Variants in SLFN12L observed in about 807,000 individuals in gnomAD.
SLFN12L encodes the protein schlafen family member 12-like.
A neutral mutation model predicts 34.8 loss-of-function variants in SLFN12L; 34 were observed. That is an observed-to-expected ratio of 0.98 (90% CI 0.74 to 1.30). SLFN12L has a LOEUF of 1.30. Among genes scored for constraint, SLFN12L ranks in the 50% most tolerant of loss-of-function variants. SLFN12L has a pLI of 0.00. For missense variants in SLFN12L, 703 were observed against 696.2 expected (o/e 1.01, Z -0.11); for synonymous variants, 259 against 247.5 (o/e 1.05, Z -0.44).
intron 2 of SLFN12L, among the ~76,000 whole-genome samples, chr17:35,489,714 A>T (rs1914754566): frequency 6.6e-6 from 1 of 152,208 alleles, no homozygotes; most frequent in Non-Finnish European, 1.5e-5. Flanking sequence ...ACATCACATG[A>T]TCATTTCAAT....
intron 1 of SLFN12L, among the ~76,000 whole-genome samples, chr17:35,526,078 C>T (rs183034104): frequency 7.2e-5 from 11 of 152,216 alleles, no homozygotes; most frequent in Non-Finnish European, 7.4e-5. Context: ...ATAAAACAGA[C>T]TTTAAACCAA....
At chr17:35,500,544 A>G (rs970611834) in intron 2 of SLFN12L, 1 of 152,272 alleles carries the variant, frequency 6.6e-6, no homozygotes, top group Admixed American at 6.5e-5. Flanking sequence ...CCTGGTTAAC[A>G]TGGTGAAACC....
At chr17:35,532,179 C>G (rs1446778109) in intron 1 of SLFN12L, among the ~76,000 whole-genome samples, 5 of 152,190 alleles carry the variant, frequency 3.3e-5, no homozygotes, top group Admixed American at 3.3e-4. Context: ...CGCACAGTGG[C>G]TCACGCCTGT....
rs530683923 is a variant in SLFN12L, at chr17:35,523,947, A to T, written c.-605-978T>A. 4.0e-3 allele frequency among the ~76,000 whole-genome samples: 610 copies of T among 152,110 alleles called. 5 individuals are homozygous for T. The highest frequency in any genetic ancestry group is 0.013 in the African/African-American group (550 of 41,508). ...CAGAACTTGTCTTAAAAAAAAAAAA[A>T]TTTCAAAGATCATGGGGTCCAAAGG... On this transcript the variant is annotated intron_variant, in intron 1 of 4. Coordinates refer to ENST00000628453, the MANE Select transcript of SLFN12L (RefSeq NM_001363830.2).
At chr17:35,484,526 T>G (rs1174520362) in intron 2 of SLFN12L, among the ~76,000 whole-genome samples, 1 of 152,136 alleles carries the variant, frequency 6.6e-6, no homozygotes, top group African/African-American at 2.4e-5. Flanking sequence ...ACCAGCAGTG[T>G]CATCCTGGCA....
In SLFN12L at chr17:35,480,019, C is replaced by A; in HGVS notation, c.263G>T (p.Arg88Leu). 1.9e-6 allele frequency: 3 copies of A among 1,614,164 alleles called. No individual in the cohort carries two copies. The highest frequency in any genetic ancestry group is 1.6e-4 in the Middle Eastern group (1 of 6,062). The change falls in exon 3 of 5, where the codon CGA becomes CTA. Residue 88 changes from arginine (R) to leucine (L), a missense_variant. Arg to Leu is a moderately radical substitution (Grantham distance 102). Coordinates refer to ENST00000628453, the MANE Select transcript of SLFN12L (RefSeq NM_001363830.2). ...LRKQQNENVSRAVCALLNSGG... is the reference protein window; with the variant it reads ...LRKQQNENVSLAVCALLNSGG... ...AGAATTCAGCAGAGCACACACAGCT[C>A]GTGAGACATTTTCATTCTGCTGTTT...
intron 2 of SLFN12L, among the ~76,000 whole-genome samples, chr17:35,494,200 T>C (rs1914951846): frequency 6.7e-6 from 1 of 150,360 alleles, no homozygotes; most frequent in Admixed American, 6.7e-5. Flanking sequence ...TGTATGCTAG[T>C]TTAAAAAAGA....
intron 4 of SLFN12L, among the ~76,000 whole-genome samples, chr17:35,476,626 A>C (rs1051576926): frequency 2.0e-5 from 3 of 151,926 alleles, no homozygotes; most frequent in Non-Finnish European, 4.4e-5. Flanking sequence ...TTGTAATTCA[A>C]CTCCCAGCCA....
At chr17:35,524,216 G>T (rs530290419) in intron 1 of SLFN12L, among the ~76,000 whole-genome samples, 5 of 152,330 alleles carry the variant, frequency 3.3e-5, no homozygotes, top group Admixed American at 1.3e-4. Context: ...TTTTAGAGAT[G>T]TTAAGAAGTT....
At chr17:35,501,891 C>A (rs377677610) in intron 2 of SLFN12L, among the ~76,000 whole-genome samples, 39 of 152,136 alleles carry the variant, frequency 2.6e-4, no homozygotes, top group African/African-American at 9.2e-4. Flanking sequence ...GACCACCCCC[C>A]ACAGTGGTTG....
rs1597832134 is a variant in SLFN12L, at chr17:35,479,528, A to T, written c.754T>A (p.Ser252Thr). 1 of 1,614,214 alleles carries T rather than the reference A, an allele frequency of 6.2e-7. No homozygotes were observed. The highest frequency in any genetic ancestry group is 1.3e-5 in the African/African-American group (1 of 75,068). The change falls in exon 3 of 5, where the codon TCG (serine) becomes ACG (threonine). Residue 252 changes from serine (S) to threonine (T), a missense_variant. Ser to Thr is a moderately conservative substitution (Grantham distance 58, BLOSUM62 1). Coordinates refer to ENST00000628453, the MANE Select transcript of SLFN12L (RefSeq NM_001363830.2). ...ATTCGTTGTAACAACTTTTCAGTCG[A>T]GAAGTTTTTTATTTCAACGTGTGTG... Reference protein sequence around the residue: ...ESTHVEIKNFSTEKLLQRITE... With the variant: ...ESTHVEIKNFTTEKLLQRITE...
At chr17:35,505,270 G>A (rs1432718167) in intron 2 of SLFN12L, among the ~76,000 whole-genome samples, 3 of 152,204 alleles carry the variant, frequency 2.0e-5, no homozygotes, top group Non-Finnish European at 4.4e-5. Flanking sequence ...AACACTATAT[G>A]TGTCAGAGAG....
chr17:35,512,038 A>C (rs548949114), intron 2 of SLFN12L, among the ~76,000 whole-genome samples: 3 of 152,328 alleles, frequency 2.0e-5, no homozygotes, highest in East Asian at 3.9e-4. Context: ...TCACCTGCTG[A>C]GCAGCATTTG....
intron 1 of SLFN12L, among the ~76,000 whole-genome samples, chr17:35,527,451 CA>C (rs1207999243): frequency 1.3e-5 from 2 of 152,022 alleles, no homozygotes; most frequent in Non-Finnish European, 2.9e-5. Flanking sequence ...AAAAAATCCT[CA>C]AAAAAATACT....
At chr17:35,485,906 T>C (rs1394066595) in intron 2 of SLFN12L, among the ~76,000 whole-genome samples, 1 of 152,232 alleles carries the variant, frequency 6.6e-6, no homozygotes, top group African/African-American at 2.4e-5. Flanking sequence ...CCTTGAAGTA[T>C]AGCTTGAAAT....
chr17:35,519,743 CT>C (rs956843158), intron 2 of SLFN12L, among the ~76,000 whole-genome samples: 1 of 152,160 alleles, frequency 6.6e-6, no homozygotes, highest in African/African-American at 2.4e-5. Flanking sequence ...GCATACACCC[CT>C]GATATGATAT....
At chr17:35,525,164 G>T (rs1194318882) in intron 1 of SLFN12L, among the ~76,000 whole-genome samples, 2 of 151,970 alleles carry the variant, frequency 1.3e-5, no homozygotes, top group Non-Finnish European at 2.9e-5. Flanking sequence ...AGAGAAAAAA[G>T]AATGAAAAGG....
Position 35,474,969 on chromosome 17 carries a change from C to T in SLFN12L, c.1793G>A (p.Arg598His), listed in dbSNP as rs111955358. ...NQIFLFVCLF[R>H]FCLFVCWFVC... ...AAACCAACAAACAAACAAACAAAAA[C>T]GAAACAAACAAACAAACAAAAAGAT... Residue 598 changes from arginine to histidine, a missense_variant, in exon 5 of 5, where the codon CGT becomes CAT. Arg to His is a conservative substitution (Grantham distance 29, BLOSUM62 0). Coordinates refer to ENST00000628453, the MANE Select transcript of SLFN12L (RefSeq NM_001363830.2). 205 of 1,552,818 alleles carry T rather than the reference C, an allele frequency of 1.3e-4. No individual in the cohort carries two copies. The highest frequency in any genetic ancestry group is 1.6e-4 in the Non-Finnish European group (180 of 1,147,706).
chr17:35,518,018 T>G (rs1026481902), intron 2 of SLFN12L, among the ~76,000 whole-genome samples: 3 of 152,078 alleles, frequency 2.0e-5, no homozygotes, highest in African/African-American at 7.2e-5. Flanking sequence ...CAAAAGCAAT[T>G]GCAACAAAAG....
Sources: gnomAD v4.1 joint callset for allele counts (sites outside exome capture counted in the v4.1 genomes callset) on GRCh38, gnomAD v4.1.1 for gene constraint, MANE v1.5 for transcripts, NCBI Gene and HGNC (gene_info 2026-07-23, HGNC 2026-07-21) for gene names.